The following RBFOX1 variants were observed in gnomAD, a reference collection of about 807,000 sequenced individuals.
RBFOX1 encodes the protein RNA binding fox-1 homolog 1.
A neutral mutation model predicts 57.7 loss-of-function variants in RBFOX1; 8 were observed. That is an observed-to-expected ratio of 0.14 (90% CI 0.08 to 0.25). RBFOX1 has a LOEUF of 0.25. Among genes scored for constraint, RBFOX1 ranks in the 10% least tolerant of loss-of-function variants. RBFOX1 has a pLI of 1.00. For missense variants in RBFOX1, 611 were observed against 548.5 expected (o/e 1.11, Z -1.14); for synonymous variants, 326 against 222.4 (o/e 1.47, Z -4.15).
At chr16:5,306,351 C>T (rs1045431838) in intron 1 of RBFOX1, among the ~76,000 whole-genome samples, 3 of 149,702 alleles carry the variant, frequency 2.0e-5, no homozygotes, top group Admixed American at 1.3e-4. Context: ...CGGAGTTTCA[C>T]CCTTGTCACC....
chr16:5,600,317 A>T (rs916091026), downstream of RBFOX1, among the ~76,000 whole-genome samples: 4 of 145,910 alleles, frequency 2.7e-5, no homozygotes, highest in Non-Finnish European at 4.5e-5. Flanking sequence ...AAAAAAAAAT[A>T]AAAAAAAAAC....
chr16:5,490,586 G>A (rs1012765515), intron 2 of RBFOX1, among the ~76,000 whole-genome samples: 17 of 152,304 alleles, frequency 1.1e-4, no homozygotes, highest in African/African-American at 4.1e-4. Context: ...GGCCGAGGGC[G>A]GGGTGAGGGG....
At chr16:7,352,564 AT>A (rs1230766902) in intron 4 of RBFOX1, among the ~76,000 whole-genome samples, 1 of 152,124 alleles carries the variant, frequency 6.6e-6, no homozygotes, top group Non-Finnish European at 1.5e-5. Flanking sequence ...CTTTGCAGCC[AT>A]TCTCCAGGAA....
chr16:5,475,960 G>A (rs1484124583), intron 2 of RBFOX1, among the ~76,000 whole-genome samples: 1 of 152,142 alleles, frequency 6.6e-6, no homozygotes, highest in African/African-American at 2.4e-5. Context: ...AACCATGACT[G>A]TCTTGCTCCT....
intron 2 of RBFOX1, among the ~76,000 whole-genome samples, chr16:6,518,201 G>A (rs767723326): frequency 6.6e-6 from 1 of 152,136 alleles, no homozygotes; most frequent in Non-Finnish European, 1.5e-5. Context: ...AACTTGATAA[G>A]GTTTTATTGA....
At chr16:5,881,948 A>G (rs1256706001) in intron 4 of RBFOX1, among the ~76,000 whole-genome samples, 1 of 152,230 alleles carries the variant, frequency 6.6e-6, no homozygotes, top group Non-Finnish European at 1.5e-5. Context: ...TAATAGTAGC[A>G]GCTACGACTT....
intron 3 of RBFOX1, among the ~76,000 whole-genome samples, chr16:5,852,788 C>T (rs1309745589): frequency 6.6e-6 from 1 of 152,014 alleles, no homozygotes; most frequent in Non-Finnish European, 1.5e-5. Flanking sequence ...TATGATTGTA[C>T]CACTGCTCTC....
chr16:7,493,121 C>T lies in RBFOX1; in HGVS notation c.28-25026C>T, dbSNP rs189872788. Reference sequence around the variant, plus strand: ...CTCAAACTCCTGACCTTAGGGGATTCGCCCGCCTCTGCCTCCCAAAGTGCT... The same window carrying T: ...CTCAAACTCCTGACCTTAGGGGATTTGCCCGCCTCTGCCTCCCAAAGTGCT... On this transcript the variant is annotated intron_variant, in intron 4 of 15. Transcript: ENST00000550418. 2.9e-3 allele frequency among the ~76,000 whole-genome samples: 434 copies of T among 152,278 alleles called. 1 individual carries two copies. Among genetic ancestry groups the T allele is most frequent in the Non-Finnish European group, 3.2e-3 (220 of 68,014 alleles).
chr16:7,272,598 G>T (rs943112776), intron 4 of RBFOX1, among the ~76,000 whole-genome samples: 1 of 152,196 alleles, frequency 6.6e-6, no homozygotes, highest in Non-Finnish European at 1.5e-5. Flanking sequence ...CAGGAAAGCA[G>T]TGCTGAGCAG....
chr16:5,967,092 A>T (rs896793433), intron 4 of RBFOX1, among the ~76,000 whole-genome samples: 1 of 148,594 alleles, frequency 6.7e-6, no homozygotes, highest in Non-Finnish European at 1.5e-5. Context: ...TATATAGTTG[A>T]CGGCTGCTTC....
chr16:6,764,560 G>A (rs771812776), intron 3 of RBFOX1, among the ~76,000 whole-genome samples: 3 of 152,148 alleles, frequency 2.0e-5, no homozygotes, highest in Non-Finnish European at 4.4e-5. Context: ...CATGGTTTCT[G>A]TCCCCATGGG....
rs192863941 is a variant in RBFOX1, at chr16:6,299,813, G to A, written c.-126-17182G>A. On this transcript the variant is annotated intron_variant, in intron 1 of 15. Coordinates refer to ENST00000550418, the MANE Select transcript of RBFOX1 (RefSeq NM_018723.4). ...ATCTTTGGGAAACAAGTCTGTCGGG[G>A]TTCAGTTTCCTCAATGGTAAAAAAA... Among the ~76,000 whole-genome samples, 272 of 152,234 alleles carry A rather than the reference G, an allele frequency of 1.8e-3. 2 individuals carry two copies. Among genetic ancestry groups the A allele is most frequent in the Middle Eastern group, 0.01 (3 of 294 alleles).
At chr16:7,047,603 G>C (rs991091352) in intron 3 of RBFOX1, among the ~76,000 whole-genome samples, 1 of 130,420 alleles carries the variant, frequency 7.7e-6, no homozygotes, top group African/African-American at 2.5e-5. Flanking sequence ...GAAGTTTTCA[G>C]CCATTATTTC....
intron 2 of RBFOX1, among the ~76,000 whole-genome samples, chr16:6,345,227 G>C (rs1325148227): frequency 6.6e-6 from 1 of 152,176 alleles, no homozygotes. Flanking sequence ...ACCCAGAAGA[G>C]AATTCAAGGG....
At chr16:6,914,692 A>C (rs7203269) in intron 3 of RBFOX1, among the ~76,000 whole-genome samples, 31,464 of 152,134 alleles carry the variant, frequency 0.21, 3,353 homozygotes, top group Admixed American at 0.24. Flanking sequence ...TGGCCAACAT[A>C]GCAAGATCCC....
At chr16:6,855,230 A>G (rs1241415715) in intron 3 of RBFOX1, among the ~76,000 whole-genome samples, 1 of 152,058 alleles carries the variant, frequency 6.6e-6, no homozygotes, top group Non-Finnish European at 1.5e-5. Context: ...CATGCAGTGA[A>G]CATATGCATG....
chr16:6,981,045 A>AAAAAAAAAAAAAAAAAAAAAAAAAAC (rs1450296417), intron 3 of RBFOX1, among the ~76,000 whole-genome samples: 1 of 150,694 alleles, frequency 6.6e-6, no homozygotes, highest in African/African-American at 2.5e-5. Context: ...TCAGTCTCAA[A>AAAAAAAAAAAAAAAAAAAAAAAAAAC]AAAAAAAAAA....
intron 1 of RBFOX1, among the ~76,000 whole-genome samples, chr16:6,297,226 T>C (rs1353050297): frequency 6.6e-6 from 1 of 152,132 alleles, no homozygotes; most frequent in Non-Finnish European, 1.5e-5. Context: ...ATGACCTGTA[T>C]CTTGTGCCAA....
chr16:5,870,232 G>T (rs183313940), intron 4 of RBFOX1, among the ~76,000 whole-genome samples: 9 of 151,326 alleles, frequency 5.9e-5, no homozygotes, highest in African/African-American at 1.9e-4. Flanking sequence ...GGAGGCGTTG[G>T]CTGGGTAGGG....
Sources: gnomAD v4.1 joint callset for allele counts (sites outside exome capture counted in the v4.1 genomes callset) on GRCh38, gnomAD v4.1.1 for gene constraint, MANE v1.5 for transcripts, NCBI Gene and HGNC (gene_info 2026-07-23, HGNC 2026-07-21) for gene names.